Variants in NRG1 observed in about 807,000 individuals in gnomAD.
NRG1 encodes the protein neuregulin 1.
In NRG1, 18 loss-of-function variants were observed where a neutral mutation model predicts 63.8. The observed-to-expected ratio is 0.28, with a 90% CI of 0.19 to 0.42. NRG1 has a LOEUF of 0.42. Ranked by LOEUF, NRG1 falls within the 10% of genes least tolerant of loss-of-function variation. The pLI is 1.00. For synonymous variants in NRG1, 302 were observed against 301.3 expected, an observed-to-expected ratio of 1.00 and a Z score of -0.02; for missense variants, 762 against 814.7, an observed-to-expected ratio of 0.94 and a Z score of 0.79.
intron 5 of NRG1, chr8:32,721,643 A>T (rs1564026539): frequency 4.8e-6 from 1 of 207,330 alleles, no homozygotes; most frequent in Non-Finnish European, 9.4e-6. Context: ...TCCTCTGGCC[A>T]CTTTCTTTCT....
At chr8:31,978,025 T>C (rs10099845) in intron 1 of NRG1, among the ~76,000 whole-genome samples, 5,576 of 152,118 alleles carry the variant, frequency 0.037, 358 homozygotes, top group African/African-American at 0.13. Context: ...CTCTCAAATG[T>C]AACAGGATTG....
At chr8:31,858,624 T>C (rs141305900) in intron 1 of NRG1, among the ~76,000 whole-genome samples, 12 of 152,264 alleles carry the variant, frequency 7.9e-5, no homozygotes, top group African/African-American at 2.9e-4. Context: ...AAAATGTTCA[T>C]GGTCACTGCT....
chr8:32,358,407 T>C (rs1806758434), intron 1 of NRG1, among the ~76,000 whole-genome samples: 1 of 147,366 alleles, frequency 6.8e-6, no homozygotes, highest in Admixed American at 6.8e-5. Context: ...GGAGTGGTTC[T>C]CCTCTCTGTT....
intron 3 of NRG1, among the ~76,000 whole-genome samples, chr8:32,607,560 G>A (rs1845475888): frequency 6.6e-6 from 1 of 152,032 alleles, no homozygotes; most frequent in African/African-American, 2.4e-5. Context: ...ATTATTCCTG[G>A]CAAAAACCCA....
intron 1 of NRG1, among the ~76,000 whole-genome samples, chr8:32,182,135 G>A (rs1841496623): frequency 6.6e-6 from 1 of 152,120 alleles, no homozygotes; most frequent in Non-Finnish European, 1.5e-5. Flanking sequence ...AGAGGAGCTG[G>A]GCACAGCCTC....
At chr8:31,853,841 A>G (rs1205562210) in intron 1 of NRG1, among the ~76,000 whole-genome samples, 5 of 152,058 alleles carry the variant, frequency 3.3e-5, no homozygotes, top group Admixed American at 1.3e-4. Flanking sequence ...AATTTTGTCA[A>G]AGGCCTTTTC....
chr8:32,638,130 G>A (rs1337651365), intron 5 of NRG1, among the ~76,000 whole-genome samples: 2 of 152,144 alleles, frequency 1.3e-5, no homozygotes, highest in African/African-American at 2.4e-5. Context: ...TCCTGACTTT[G>A]AAATTAATTT....
chr8:31,959,199 C>G (rs1804992431), intron 1 of NRG1, among the ~76,000 whole-genome samples: 1 of 152,186 alleles, frequency 6.6e-6, no homozygotes, highest in Admixed American at 6.5e-5. Context: ...CTCCTGAGCT[C>G]TGTGTCTTGA....
chr8:32,052,271 G>GTT (rs5890615), intron 1 of NRG1, among the ~76,000 whole-genome samples: 11 of 91,400 alleles, frequency 1.2e-4, no homozygotes, highest in African/African-American at 4.3e-4. Flanking sequence ...CTTTCCTCCT[G>GTT]TTTTTTTTTT....
chr8:32,250,640 T>G (rs1198864515), intron 1 of NRG1, among the ~76,000 whole-genome samples: 2 of 152,174 alleles, frequency 1.3e-5, no homozygotes, highest in African/African-American at 4.8e-5. Flanking sequence ...GAAAATCTTT[T>G]AAAACTGTTA....
chr8:31,739,341 T>A (rs1243340689), intron 1 of NRG1, among the ~76,000 whole-genome samples: 1 of 152,100 alleles, frequency 6.6e-6, no homozygotes, highest in African/African-American at 2.4e-5. Flanking sequence ...TAAAAGGCTA[T>A]TCTGATTAAT....
chr8:32,474,874 T>C (rs541979232), intron 1 of NRG1, among the ~76,000 whole-genome samples: 1 of 152,238 alleles, frequency 6.6e-6, no homozygotes, highest in East Asian at 1.9e-4. Context: ...TGATGCTAGG[T>C]ACTCTACTGG....
chr8:32,517,177 C>A (rs1447557245), intron 1 of NRG1, among the ~76,000 whole-genome samples: 1 of 152,104 alleles, frequency 6.6e-6, no homozygotes, highest in East Asian at 1.9e-4. Context: ...TAAGTGAGTT[C>A]TTTGTTTTCC....
At chr8:32,046,953 C>T (rs1285354240) in intron 1 of NRG1, among the ~76,000 whole-genome samples, 1 of 151,976 alleles carries the variant, frequency 6.6e-6, no homozygotes, top group African/African-American at 2.4e-5. Flanking sequence ...AAAGTCTTCC[C>T]AATGCTTGAC....
intron 5 of NRG1, among the ~76,000 whole-genome samples, chr8:32,683,588 C>T (rs1237976158): frequency 6.6e-6 from 1 of 152,126 alleles, no homozygotes; most frequent in African/African-American, 2.4e-5. Context: ...TTGGAGCCTG[C>T]AATTCTGCCA....
chr8:32,066,674 CT>C (rs1047284352), intron 1 of NRG1, among the ~76,000 whole-genome samples: 1 of 152,098 alleles, frequency 6.6e-6, no homozygotes, highest in Non-Finnish European at 1.5e-5. Context: ...AATGAGGACT[CT>C]TTTTTGGTTC....
intron 1 of NRG1, among the ~76,000 whole-genome samples, chr8:32,309,379 T>C (rs979032475): frequency 2.0e-5 from 3 of 152,184 alleles, no homozygotes; most frequent in Admixed American, 1.3e-4. Flanking sequence ...CAGATTTTCT[T>C]TTTGCTGTCA....
intron 1 of NRG1, among the ~76,000 whole-genome samples, chr8:31,651,643 T>C (rs1804855579): frequency 6.6e-6 from 1 of 152,194 alleles, no homozygotes; most frequent in South Asian, 2.1e-4. Context: ...ATTTAAGCTC[T>C]TTTATAAGTA....
At chr8:32,298,861 T>C (rs1429741754) in intron 1 of NRG1, among the ~76,000 whole-genome samples, 4 of 150,870 alleles carry the variant, frequency 2.7e-5, no homozygotes, top group Admixed American at 6.6e-5. Flanking sequence ...ACCCCGTCTC[T>C]ACTAAAAACA....
Sources: allele counts gnomAD v4.1 joint callset (sites outside exome capture counted in the v4.1 genomes callset), GRCh38; gene constraint gnomAD v4.1.1; transcripts MANE v1.5; gene names NCBI Gene and HGNC (gene_info 2026-07-23, HGNC 2026-07-21).